Variants in NDUFAF2 observed in about 807,000 individuals in gnomAD.
NDUFAF2 encodes the protein NADH dehydrogenase [ubiquinone] 1 alpha subcomplex assembly factor 2.
NDUFAF2 carries 13 observed loss-of-function variants against 22.8 expected under a neutral mutation model. That is an observed-to-expected ratio of 0.57 (90% CI 0.37 to 0.91). The LOEUF (loss-of-function observed/expected upper bound fraction) is 0.91, where lower values mean the gene tolerates loss of function less well. Ranked by LOEUF, NDUFAF2 falls within the 40% of genes least tolerant of loss-of-function variation. The pLI is 0.01. For missense variants in NDUFAF2, 162 were observed against 195.2 expected, an observed-to-expected ratio of 0.83 and a Z score of 1.01; for synonymous variants, 53 against 64.2, an observed-to-expected ratio of 0.83 and a Z score of 0.84.
rs938419947 is a variant in NDUFAF2, at chr5:60,968,908, C to T, written c.127+23526C>T. On this transcript the variant is annotated intron_variant, in intron 1 of 3. Coordinates refer to ENST00000296597, the MANE Select transcript of NDUFAF2 (RefSeq NM_174889.5). ...ACCATCCTTTTCTGCTCTCTATCTTCATGAATTCAGTTGTTTTAATTTTTA... is the reference window on the plus strand; with the variant it reads ...ACCATCCTTTTCTGCTCTCTATCTTTATGAATTCAGTTGTTTTAATTTTTA... 4.6e-5 allele frequency among the ~76,000 whole-genome samples: 7 copies of T among 152,116 alleles called. No homozygotes were observed. In the East Asian group the frequency reaches 9.7e-4, roughly 21 times the overall value.
At chr5:61,074,849 G>C (rs1752348317) in intron 2 of NDUFAF2, among the ~76,000 whole-genome samples, 1 of 152,154 alleles carries the variant, frequency 6.6e-6, no homozygotes. Flanking sequence ...CGCATAGCTG[G>C]GGAGGCCTCA....
At chr5:61,141,969 C>A (rs1038692920) in intron 3 of NDUFAF2, among the ~76,000 whole-genome samples, 11 of 152,146 alleles carry the variant, frequency 7.2e-5, no homozygotes, top group Non-Finnish European at 1.6e-4. Context: ...CCTTTTCTTT[C>A]CTCCAGGGCT....
At chr5:61,031,490 C>T (rs542900877) in intron 1 of NDUFAF2, among the ~76,000 whole-genome samples, 1 of 150,972 alleles carries the variant, frequency 6.6e-6, no homozygotes, top group East Asian at 2.1e-4. Context: ...TGAACTCATG[C>T]TTTTTTATGG....
intron 1 of NDUFAF2, among the ~76,000 whole-genome samples, chr5:61,034,519 T>C (rs1010093215): frequency 2.4e-4 from 36 of 152,168 alleles, no homozygotes; most frequent in Admixed American, 2.4e-3. Flanking sequence ...ATAGATGTGG[T>C]CCGTCATTGA....
At chr5:61,129,657 G>T (rs904163728) in intron 3 of NDUFAF2, among the ~76,000 whole-genome samples, 2 of 143,946 alleles carry the variant, frequency 1.4e-5, no homozygotes, top group Non-Finnish European at 3.0e-5. Flanking sequence ...TAGGGGGAGG[G>T]GGGAGGGATA....
At chr5:61,121,403 T>C (rs1447319849) in intron 3 of NDUFAF2, among the ~76,000 whole-genome samples, 1 of 152,170 alleles carries the variant, frequency 6.6e-6, no homozygotes, top group Non-Finnish European at 1.5e-5. Flanking sequence ...ATTGATGGGT[T>C]ACAGCTTGTT....
intron 2 of NDUFAF2, among the ~76,000 whole-genome samples, chr5:61,088,965 C>A (rs1315080868): frequency 6.6e-6 from 1 of 152,048 alleles, no homozygotes; most frequent in Non-Finnish European, 1.5e-5. Flanking sequence ...CCTACTGGAT[C>A]TGGTGATAGA....
intron 1 of NDUFAF2, among the ~76,000 whole-genome samples, chr5:61,040,286 A>ACGCGCGCGCGCGCGCGCG (rs1323303366): frequency 2.6e-4 from 24 of 93,070 alleles, no homozygotes; most frequent in African/African-American, 8.3e-4. Context: ...ACACACACAC[A>ACGCGCGCGCGCGCGCGCG]CGCGCGCGCG....
chr5:61,013,525 G>T (rs573289686), intron 1 of NDUFAF2, among the ~76,000 whole-genome samples: 1 of 151,946 alleles, frequency 6.6e-6, no homozygotes, highest in African/African-American at 2.4e-5. Context: ...TTTTTTATTG[G>T]ACATCTGCCT....
rs149088877 is a variant in NDUFAF2 at position 61,011,254 on chromosome 5, C to T, written c.128-61871C>T. On this transcript the variant is annotated intron_variant, in intron 1 of 3. Transcript: ENST00000296597. Reference sequence around the variant, plus strand: ...TTAGGAGGCAGAGCTCTCCCCGCTGCCTCCCCAGAGGAAGAACTGTGTACT... The same window carrying T: ...TTAGGAGGCAGAGCTCTCCCCGCTGTCTCCCCAGAGGAAGAACTGTGTACT... 3.6e-3 allele frequency among the ~76,000 whole-genome samples: 541 copies of T among 152,210 alleles called. 7 individuals carry two copies. Among genetic ancestry groups the T allele is most frequent in the African/African-American group, 0.012 (516 of 41,532 alleles).
At chr5:61,131,078 G>A (rs1162543423) in intron 3 of NDUFAF2, among the ~76,000 whole-genome samples, 2 of 152,256 alleles carry the variant, frequency 1.3e-5, no homozygotes, top group Admixed American at 6.5e-5. Flanking sequence ...GCCAAAGACT[G>A]AGGGGAAAAG....
intron 1 of NDUFAF2, among the ~76,000 whole-genome samples, chr5:61,039,556 G>A (rs1207336712): frequency 6.6e-6 from 1 of 152,078 alleles, no homozygotes; most frequent in Non-Finnish European, 1.5e-5. Flanking sequence ...TTCAGTAAAT[G>A]GTATAAGTGA....
intron 1 of NDUFAF2, among the ~76,000 whole-genome samples, chr5:60,995,454 T>C (rs1030649360): frequency 6.6e-6 from 1 of 152,230 alleles, no homozygotes; most frequent in Non-Finnish European, 1.5e-5. Context: ...TTGATGGTCT[T>C]GGACATGATC....
At chr5:61,148,439 A>G (rs1741172171) in intron 3 of NDUFAF2, among the ~76,000 whole-genome samples, 2 of 152,108 alleles carry the variant, frequency 1.3e-5, no homozygotes, top group Admixed American at 1.3e-4. Context: ...TAACATCTCT[A>G]CCCATTTCAG....
At chr5:60,964,056 A>AT (rs905651012) in intron 1 of NDUFAF2, among the ~76,000 whole-genome samples, 77 of 151,898 alleles carry the variant, frequency 5.1e-4, no homozygotes, top group African/African-American at 1.7e-3. Flanking sequence ...GGATTGCTGA[A>AT]TTTTTTTTTA....
At chr5:61,037,629 T>C (rs1026878584) in intron 1 of NDUFAF2, among the ~76,000 whole-genome samples, 4 of 152,156 alleles carry the variant, frequency 2.6e-5, no homozygotes, top group Non-Finnish European at 5.9e-5. Context: ...CTCTGAAAAA[T>C]CTTGCTATAA....
intron 3 of NDUFAF2, among the ~76,000 whole-genome samples, chr5:61,126,785 GA>G (rs1238114078): frequency 6.6e-6 from 1 of 151,444 alleles, no homozygotes; most frequent in Non-Finnish European, 1.5e-5. Context: ...ATTTAAGAAG[GA>G]AAAGCACTAC....
At chr5:60,991,477 A>G (rs1392110517) in intron 1 of NDUFAF2, among the ~76,000 whole-genome samples, 1 of 152,202 alleles carries the variant, frequency 6.6e-6, no homozygotes, top group African/African-American at 2.4e-5. Context: ...AGCCTCTGGT[A>G]ACTATCCTTC....
At chr5:61,062,982 A>G (rs1305921676) in intron 1 of NDUFAF2, among the ~76,000 whole-genome samples, 2 of 152,162 alleles carry the variant, frequency 1.3e-5, no homozygotes, top group Admixed American at 6.6e-5. Flanking sequence ...TGAAGGAGAA[A>G]CAGTCTTTCA....
Sources: allele counts gnomAD v4.1 joint callset (sites outside exome capture counted in the v4.1 genomes callset), GRCh38; gene constraint gnomAD v4.1.1; transcripts MANE v1.5; gene names NCBI Gene and HGNC (gene_info 2026-07-23, HGNC 2026-07-21).